SEC16B: variants seen among roughly 807,000 people sequenced by gnomAD.
The protein encoded by SEC16B is protein transport protein Sec16B.
A neutral mutation model predicts 141.8 loss-of-function variants in SEC16B; 115 were observed. The ratio of observed to expected loss-of-function variants is 0.81; its 90% confidence interval spans 0.70 to 0.95. SEC16B has a LOEUF of 0.95. Among genes scored for constraint, SEC16B ranks in the 40% least tolerant of loss-of-function variants. The pLI, the probability that SEC16B is intolerant of heterozygous loss-of-function variation, is 0.00. For missense variants in SEC16B, 1,291 were observed against 1,312.3 expected, an observed-to-expected ratio of 0.98 and a Z score of 0.25; for synonymous variants, 493 against 492.5, an observed-to-expected ratio of 1.00 and a Z score of -0.01.
intron 14 of SEC16B, 21 bp downstream of exon 14, chr1:177,946,399 C>T: frequency 1.3e-6 from 2 of 1,507,246 alleles, no homozygotes; most frequent in Non-Finnish European, 1.8e-6. Flanking sequence ...CTTACTGTTT[C>T]CTTTCTCCCA....
chr1:177,966,994 T>C (rs1199163516), intron 2 of SEC16B, among the ~76,000 whole-genome samples: 1 of 152,158 alleles, frequency 6.6e-6, no homozygotes, highest in Non-Finnish European at 1.5e-5. Flanking sequence ...AAGTAGAACA[T>C]AGACGGCTTC....
Position 177,932,513 on chromosome 1 carries a change from C to A in SEC16B, c.2989G>T (p.Val997Phe). ...ACCTCTGGTCCAGACAAGCCTCCAA[C>A]CCCAGCGCCCGCAGCTGCTCCCCCG... Reference protein sequence around the residue: ...SSGGAAAGAGVGGLSGPESVS... With the variant: ...SSGGAAAGAGFGGLSGPESVS... The change falls in exon 24 of 26, where the codon GTT (valine) becomes TTT (phenylalanine). Residue 997 changes from valine to phenylalanine, a missense_variant. By Grantham distance (50) the Val-to-Phe change is conservative. Around this residue, in one of 3 missense-constraint regions of SEC16B, gnomAD observed 605 missense variants for 614.1 expected, o/e 0.99. Coordinates refer to ENST00000308284, the MANE Select transcript of SEC16B (RefSeq NM_033127.4). 1 of 1,551,398 alleles carries A rather than the reference C, an allele frequency of 6.4e-7. No homozygotes were observed. The highest frequency in any genetic ancestry group is 8.7e-7 in the Non-Finnish European group (1 of 1,147,818).
At chr1:177,933,183 A>G (rs1217621528) in intron 22 of SEC16B, 31 bp downstream of exon 22, 1 of 1,525,198 alleles carries the variant, frequency 6.6e-7, no homozygotes, top group Admixed American at 2.0e-5. Context: ...ACCCACAGAG[A>G]GGGGCATCCT....
chr1:177,980,447 T>C (rs925204195), intron 1 of SEC16B, among the ~76,000 whole-genome samples: 3 of 152,150 alleles, frequency 2.0e-5, no homozygotes, highest in Non-Finnish European at 4.4e-5. Flanking sequence ...CCTGAAACTA[T>C]ATGGAAGGAA....
At chr1:177,960,494 G>T (rs1652972686) in intron 7 of SEC16B, 91 bp from the exon 8 acceptor site, 2 of 933,078 alleles carry the variant, frequency 2.1e-6, no homozygotes, top group South Asian at 2.8e-5. Flanking sequence ...AAGGCCGTGG[G>T]GCTAGGATAT....
intron 14 of SEC16B, chr1:177,945,911 C>CTA: frequency 5.1e-6 from 1 of 197,170 alleles, no homozygotes; most frequent in Non-Finnish European, 1.0e-5. Flanking sequence ...AAGCCTAATG[C>CTA]TATGGCCAAC....
At chr1:177,932,375 G>T in intron 24 of SEC16B, 115 bp downstream of exon 24, 1 of 733,564 alleles carries the variant, frequency 1.4e-6, no homozygotes, top group Non-Finnish European at 2.1e-6. Flanking sequence ...AACTAACACA[G>T]CAGAGAAGCA....
chr1:177,936,260 G>C, intron 20 of SEC16B, 38 bp downstream of exon 20: 3 of 1,552,762 alleles, frequency 1.9e-6, no homozygotes, highest in Non-Finnish European at 2.6e-6. Context: ...AGAAGCATTT[G>C]AGTGGGCAGT....
chr1:177,951,845 C>A (rs1652211876), intron 12 of SEC16B, 69 bp downstream of exon 12: 9 of 1,289,440 alleles, frequency 7.0e-6, no homozygotes, highest in Non-Finnish European at 9.9e-6. Context: ...CAGTGCACTC[C>A]TGAGCAGTCC....
intron 21 of SEC16B, 48 bp from the exon 22 acceptor site, chr1:177,933,360 C>T (rs1349455487): frequency 1.3e-6 from 2 of 1,562,550 alleles, no homozygotes. Context: ...GGCTTCTTCC[C>T]CAACTATGAG....
chr1:177,949,569 C>T (rs183774360), intron 12 of SEC16B, among the ~76,000 whole-genome samples: 7 of 151,940 alleles, frequency 4.6e-5, no homozygotes, highest in East Asian at 3.9e-4. Context: ...TATTAATTAA[C>T]GAAAATGGGC....
chr1:177,947,975 C>A, intron 12 of SEC16B, 33 bp from the exon 13 acceptor site: 1 of 1,462,054 alleles, frequency 6.8e-7, no homozygotes, highest in Non-Finnish European at 9.4e-7. Flanking sequence ...AATGTACAAT[C>A]ATTTAAGAAT....
At chr1:177,981,392 C>T (rs1254923915) in intron 1 of SEC16B, among the ~76,000 whole-genome samples, 1 of 151,858 alleles carries the variant, frequency 6.6e-6, no homozygotes, top group Non-Finnish European at 1.5e-5. Context: ...TTCCAAAAAG[C>T]AGGCACCCGG....
At chr1:177,982,963 C>T (rs941008524) in intron 1 of SEC16B, among the ~76,000 whole-genome samples, 1 of 152,158 alleles carries the variant, frequency 6.6e-6, no homozygotes, top group Non-Finnish European at 1.5e-5. Flanking sequence ...AGCAACCTTT[C>T]CACCTATCAA....
intron 12 of SEC16B, chr1:177,948,610 T>C (rs1220796560): frequency 7.7e-7 from 1 of 1,303,760 alleles, no homozygotes; most frequent in East Asian, 5.5e-5. Context: ...CAATGGTGTT[T>C]TCCCCACAAT....
chr1:177,934,066 T>C (rs534249423), intron 20 of SEC16B, among the ~76,000 whole-genome samples: 5 of 151,030 alleles, frequency 3.3e-5, no homozygotes, highest in African/African-American at 1.2e-4. Flanking sequence ...CCTAACAGAC[T>C]TGCTCAAGCT....
intron 13 of SEC16B, 71 bp downstream of exon 13, chr1:177,947,754 A>AAAGGGACAGGGAGGGGAGGTGAGGG: frequency 1.3e-5 from 5 of 393,980 alleles, no homozygotes; most frequent in Non-Finnish European, 1.8e-5. Flanking sequence ...GGAGGTGAGG[A>AAAGGGACAGGGAGGGGAGGTGAGGG]AAGGGACAGG....
In SEC16B at chr1:177,944,548, T is replaced by C; in HGVS notation, c.1881+13A>G. The C allele has an allele frequency of 6.2e-7, 1 of 1,608,768 alleles. No homozygotes were observed. ...TGACAGTGACGGTGGTGGCCTCATC[T>C]GGGCTCAGTTACCTGGAAAGAAGGG... On this transcript the variant is annotated intron_variant, in intron 15 of 25. Transcript: ENST00000308284.
chr1:177,966,016 A>C lies in SEC16B; in HGVS notation c.300-11T>G. The C allele has an allele frequency of 2.7e-6, 4 of 1,496,038 alleles. No homozygotes were observed. The highest frequency in any genetic ancestry group is 3.7e-6 in the Non-Finnish European group (4 of 1,088,598). 92.7% of individuals were successfully genotyped at this position (1,496,038 alleles called of 1,614,324 possible). The stretch of plus-strand genomic sequence containing the variant: ...TTCTCATAACCTGGCCTAAAATATC[A>C]CAAAGAAGACTGGTCAGTTGAGGAC... On this transcript the variant is annotated splice_polypyrimidine_tract_variant and intron_variant, in intron 2 of 25. Coordinates refer to ENST00000308284, the MANE Select transcript of SEC16B (RefSeq NM_033127.4).
Sources: gnomAD v4.1 joint callset for allele counts (sites outside exome capture counted in the v4.1 genomes callset) on GRCh38, gnomAD v4.1.1 for gene constraint, gnomAD v4.1.1 regional missense constraint, MANE v1.5 for transcripts, NCBI Gene and HGNC (gene_info 2026-07-23, HGNC 2026-07-21) for gene names.